The following ARG2 variants were observed in gnomAD, a reference collection of about 807,000 sequenced individuals.
The protein encoded by ARG2 is arginase-2, mitochondrial.
ARG2 carries 21 observed loss-of-function variants against 39.4 expected under a neutral mutation model. The observed-to-expected ratio is 0.53, with a 90% CI of 0.38 to 0.77. The LOEUF is 0.77. Among genes scored for constraint, ARG2 ranks in the 30% least tolerant of loss-of-function variants. ARG2 has a pLI of 0.00. For missense variants in ARG2, 378 were observed against 426.2 expected (o/e 0.89, Z 1.00); for synonymous variants, 150 against 156.7 (o/e 0.96, Z 0.32).
chr14:67,641,433 T>C (rs762419374), intron 2 of ARG2, among the ~76,000 whole-genome samples: 17 of 152,216 alleles, frequency 1.1e-4, no homozygotes, highest in Non-Finnish European at 2.5e-4. Flanking sequence ...TGGCACTTAA[T>C]AGCTGTGTAA....
intron 7 of ARG2, 39 bp from the exon 8 acceptor site, chr14:67,650,676 C>T: frequency 6.3e-7 from 1 of 1,586,704 alleles, no homozygotes; most frequent in East Asian, 2.2e-5. Context: ...AGAGTAGCAG[C>T]AAGGGAACCT....
At chr14:67,630,384 G>A (rs768235118) in intron 2 of ARG2, among the ~76,000 whole-genome samples, 1 of 152,144 alleles carries the variant, frequency 6.6e-6, no homozygotes, top group Non-Finnish European at 1.5e-5. Context: ...TACTGGCAAG[G>A]CCTCTGCCTA....
intron 3 of ARG2, among the ~76,000 whole-genome samples, chr14:67,643,213 A>G (rs2037056037): frequency 6.6e-6 from 1 of 152,176 alleles, no homozygotes. Flanking sequence ...CTGTTCTGAT[A>G]TTTTCTCAGC....
chr14:67,628,521 G>A (rs565826383), intron 2 of ARG2, among the ~76,000 whole-genome samples: 6 of 152,316 alleles, frequency 3.9e-5, no homozygotes, highest in East Asian at 1.9e-4. Context: ...CAATGTAGCC[G>A]TATATTTCCC....
chr14:67,629,407 T>C (rs1023201656), intron 2 of ARG2, among the ~76,000 whole-genome samples: 1 of 152,222 alleles, frequency 6.6e-6, no homozygotes, highest in African/African-American at 2.4e-5. Context: ...GAGGACATTA[T>C]GCTAAGTGAA....
rs182278932 is a variant in ARG2 at position 67,648,547 on chromosome 14, T to C, written c.859+364T>C. ...AGGCTGTAATTTGCACTCTAAGAGA[T>C]TGGTTCATTGGGAGTTGTGAATTTG... On this transcript the variant is annotated intron_variant, in intron 7 of 7. Transcript: ENST00000261783. The C allele has an allele frequency of 3.2e-3, 527 of 162,218 alleles. 2 individuals carry two copies. Among genetic ancestry groups the C allele is most frequent in the South Asian group, 6.0e-3 (32 of 5,310 alleles). The allele number at this position is 162,218 out of a possible 1,614,324, so 10.0% of individuals were successfully genotyped here.
intron 2 of ARG2, among the ~76,000 whole-genome samples, chr14:67,637,065 G>A (rs1160799970): frequency 1.3e-5 from 2 of 152,072 alleles, no homozygotes; most frequent in Admixed American, 6.6e-5. Flanking sequence ...TAGTGAGACC[G>A]TTTCTTATGA....
chr14:67,627,256 GATATATATATATATAT>G (rs3070464), intron 2 of ARG2, among the ~76,000 whole-genome samples: 1 of 133,750 alleles, frequency 7.5e-6, no homozygotes, highest in Non-Finnish European at 1.6e-5. Context: ...TCAGTAAGGA[GATATATATATATATAT>G]ATATATATAT....
chr14:67,632,506 A>T (rs2036928041), intron 2 of ARG2, among the ~76,000 whole-genome samples: 2 of 152,098 alleles, frequency 1.3e-5, no homozygotes, highest in Non-Finnish European at 2.9e-5. Flanking sequence ...CTCATATCTT[A>T]ACACAGGAGG....
intron 3 of ARG2, among the ~76,000 whole-genome samples, chr14:67,643,909 C>T (rs931710657): frequency 2.7e-5 from 4 of 148,724 alleles, no homozygotes; most frequent in African/African-American, 1.0e-4. Context: ...AACGGTCACA[C>T]CCAGGTTCCC....
At chr14:67,650,630 C>G (rs1224762028) in intron 7 of ARG2, 85 bp from the exon 8 acceptor site, 1 of 1,290,416 alleles carries the variant, frequency 7.7e-7, no homozygotes, top group Non-Finnish European at 1.1e-6. Context: ...TTTACTTTGG[C>G]TTGTTCTCCC....
chr14:67,646,887 A>G, intron 5 of ARG2, 34 bp from the exon 6 acceptor site: 1 of 1,489,988 alleles, frequency 6.7e-7, no homozygotes, highest in Non-Finnish European at 9.4e-7. Flanking sequence ...ATGCTCTTTA[A>G]ACTAAGGACT....
rs907074291 is a variant in ARG2 at position 67,646,488 on chromosome 14, A to G, written c.523-156A>G. 52 of 581,694 alleles carry G rather than the reference A, an allele frequency of 8.9e-5. No homozygotes were observed. In the Middle Eastern group the frequency reaches 2.1e-3, roughly 24 times the overall value. 36.0% of individuals were successfully genotyped at this position (581,694 alleles called of 1,614,324 possible). On this transcript the variant is annotated intron_variant, in intron 4 of 7. Coordinates refer to ENST00000261783, the MANE Select transcript of ARG2 (RefSeq NM_001172.4). ...TTCTGAAACATTTCCACCTTGTGTC[A>G]CTTCTCCTTCCCAGATCAAGTGTGT...
rs1244713962 is a variant in ARG2 at position 67,650,723 on chromosome 14, T to C, written c.868T>C (p.Ser290Pro). Residue 290 changes from serine to proline, a missense_variant, in exon 8 of 8, where the codon TCA becomes CCA. Physicochemically the swap from Ser to Pro is moderately conservative, Grantham distance 74 (BLOSUM62 -1). Coordinates refer to ENST00000261783, the MANE Select transcript of ARG2 (RefSeq NM_001172.4). ...AEEIHNTGLLSALDLVEVNPQ... is the reference protein window; with the variant it reads ...AEEIHNTGLLPALDLVEVNPQ... The stretch of plus-strand genomic sequence containing the variant: ...ACACTTTGTTCTTCCAGGGTTGCTA[T>C]CAGCACTGGATCTTGTTGAAGTCAA... The C allele has an allele frequency of 6.2e-7, 1 of 1,613,844 alleles. No homozygotes were observed. The highest frequency in any genetic ancestry group is 1.7e-5 in the Admixed American group (1 of 60,020).
At position 67,642,296 on chromosome 14, in the gene ARG2, C is replaced by G; in HGVS notation, c.295C>G (p.Leu99Val). The G allele has an allele frequency of 6.2e-7, 1 of 1,614,136 alleles. No homozygotes were observed. The highest frequency in any genetic ancestry group is 2.2e-5 in the East Asian group (1 of 44,884). The part of the protein sequence containing the change: ...PRSVGLANQE[L>V]AEVVSRAVSD... ...CTCAGTGGGTCTTGCCAACCAGGAACTGGCTGAGGTGGTTAGCAGAGCTGT... is the reference window on the plus strand; with the variant it reads ...CTCAGTGGGTCTTGCCAACCAGGAAGTGGCTGAGGTGGTTAGCAGAGCTGT... Residue 99 changes from leucine (L) to valine (V), a missense_variant, in exon 3 of 8, where the codon CTG (leucine) becomes GTG (valine). Transcript: ENST00000261783.
chr14:67,646,097 A>G (rs2140779222), intron 4 of ARG2, among the ~76,000 whole-genome samples: 1 of 152,352 alleles, frequency 6.6e-6, no homozygotes. Context: ...AGACACACTG[A>G]TCTAGAAGAC....
chr14:67,627,256 GATATATATATATAT>G (rs3070464), intron 2 of ARG2, among the ~76,000 whole-genome samples: 1 of 133,748 alleles, frequency 7.5e-6, no homozygotes, highest in Non-Finnish European at 1.6e-5. Flanking sequence ...TCAGTAAGGA[GATATATATATATAT>G]ATATATATAT....
intron 3 of ARG2, 132 bp from the exon 4 acceptor site, chr14:67,645,511 C>A: frequency 9.8e-7 from 1 of 1,021,866 alleles, no homozygotes; most frequent in Non-Finnish European, 1.4e-6. Context: ...TCTTGCCTCA[C>A]CCAAACCCAG....
chr14:67,647,736 C>A, intron 6 of ARG2: 1 of 233,034 alleles, frequency 4.3e-6, no homozygotes, highest in Non-Finnish European at 8.3e-6. Flanking sequence ...GTGAAGAAAT[C>A]TCTCTATTGA....
Sources: allele counts gnomAD v4.1 joint callset (sites outside exome capture counted in the v4.1 genomes callset), GRCh38; gene constraint gnomAD v4.1.1; transcripts MANE v1.5; gene names NCBI Gene and HGNC (gene_info 2026-07-23, HGNC 2026-07-21).